FAM13A: variants seen among roughly 807,000 people sequenced by gnomAD.
FAM13A encodes the protein protein FAM13A.
A neutral mutation model predicts 129.6 loss-of-function variants in FAM13A; 76 were observed. The observed-to-expected ratio is 0.59, with a 90% CI of 0.49 to 0.71. FAM13A has a LOEUF of 0.71. FAM13A is among the 30% of genes least tolerant of loss of function. The pLI is 0.00. For missense variants in FAM13A, 1,108 were observed against 1,249.3 expected (o/e 0.89, Z 1.70); for synonymous variants, 443 against 449.9 (o/e 0.98, Z 0.20).
chr4:88,835,417 C>A (rs1407318155), intron 7 of FAM13A, among the ~76,000 whole-genome samples: 1 of 147,450 alleles, frequency 6.8e-6, no homozygotes, highest in African/African-American at 2.4e-5. Context: ...TGGTCCTCAA[C>A]CTTTTTGCCA....
chr4:88,792,664 T>G (rs1446544190), intron 8 of FAM13A, among the ~76,000 whole-genome samples: 1 of 152,040 alleles, frequency 6.6e-6, no homozygotes, highest in Non-Finnish European at 1.5e-5. Context: ...ATATGAGTAA[T>G]GACTCGGGGA....
intron 11 of FAM13A, among the ~76,000 whole-genome samples, chr4:88,771,812 A>T (rs1381764165): frequency 6.6e-6 from 1 of 152,216 alleles, no homozygotes; most frequent in African/African-American, 2.4e-5. Flanking sequence ...TTCAAAACAC[A>T]GATTCACTAC....
At chr4:88,876,655 A>ATGTG (rs1742550832) in intron 6 of FAM13A, among the ~76,000 whole-genome samples, 1 of 151,944 alleles carries the variant, frequency 6.6e-6, no homozygotes, top group Admixed American at 6.6e-5. Flanking sequence ...GCAGTGGCTC[A>ATGTG]ATCTCGGCTC....
At chr4:88,928,710 C>T (rs535102109) in intron 5 of FAM13A, among the ~76,000 whole-genome samples, 1 of 53,888 alleles carries the variant, frequency 1.9e-5, no homozygotes, top group Admixed American at 1.7e-4. Flanking sequence ...AGGTGGGTTT[C>T]TTGTGGGAGC....
At chr4:88,760,603 C>CAAAAAAAAAAAAAAAAAAAAAAAAA (rs745711965) in intron 13 of FAM13A, among the ~76,000 whole-genome samples, 2 of 65,820 alleles carry the variant, frequency 3.0e-5, no homozygotes, top group African/African-American at 2.0e-4. Context: ...GACTCCGTCT[C>CAAAAAAAAAAAAAAAAAAAAAAAAA]AAAAAAAAAA....
chr4:88,981,330 C>T (rs1054337133), intron 4 of FAM13A, among the ~76,000 whole-genome samples: 1 of 152,114 alleles, frequency 6.6e-6, no homozygotes, highest in African/African-American at 2.4e-5. Context: ...AAACAAAAAA[C>T]CCAGAACCAA....
chr4:88,866,516 C>A (rs769021293), intron 6 of FAM13A, among the ~76,000 whole-genome samples: 1 of 152,096 alleles, frequency 6.6e-6, no homozygotes, highest in Admixed American at 6.6e-5. Context: ...AAAGGGCCAA[C>A]CTTGCACATA....
intron 3 of FAM13A, among the ~76,000 whole-genome samples, chr4:88,993,580 C>T (rs1443584579): frequency 6.6e-6 from 1 of 152,288 alleles, no homozygotes; most frequent in South Asian, 2.1e-4. Context: ...GAAAAAGCAG[C>T]AGCATTTTCA....
Position 88,768,026 on chromosome 4 carries a change from C to G in FAM13A, c.1492G>C (p.Glu498Gln). ...MESLNSTRSH[E>Q]RTGPDDFEWM... ...TCAAAATCATCAGGTCCAGTTCTCTCATGAGATCGTGTGGAATTGAGACTT... is the reference window on the plus strand; with the variant it reads ...TCAAAATCATCAGGTCCAGTTCTCTGATGAGATCGTGTGGAATTGAGACTT... Residue 498 changes from glutamate to glutamine, a missense_variant, in exon 12 of 24, where the codon GAG (glutamate) becomes CAG (glutamine). This residue lies in a region of FAM13A where 566 missense variants were observed against 595.7 expected (regional missense o/e 0.95). Coordinates refer to ENST00000264344, the MANE Select transcript of FAM13A (RefSeq NM_014883.4). 1 of 1,609,664 alleles carries G rather than the reference C, an allele frequency of 6.2e-7. No individual in the cohort carries two copies. The highest frequency in any genetic ancestry group is 8.5e-7 in the Non-Finnish European group (1 of 1,176,270).
chr4:89,014,054 T>G (rs751114033), intron 3 of FAM13A, among the ~76,000 whole-genome samples: 18 of 152,130 alleles, frequency 1.2e-4, no homozygotes, highest in Non-Finnish European at 2.6e-4. Flanking sequence ...CCTGAGCTGC[T>G]GGGGTAGGTT....
chr4:88,858,187 A>G (rs182719209), intron 6 of FAM13A, among the ~76,000 whole-genome samples: 1 of 152,300 alleles, frequency 6.6e-6, no homozygotes, highest in Admixed American at 6.5e-5. Context: ...GGCTCAAGGA[A>G]GCCTCACCTT....
At chr4:88,994,588 C>T (rs1431390872) in intron 3 of FAM13A, among the ~76,000 whole-genome samples, 1 of 152,092 alleles carries the variant, frequency 6.6e-6, no homozygotes, top group African/African-American at 2.4e-5. Context: ...GCCTGTAATT[C>T]CAGCACTTTA....
chr4:88,998,306 C>T (rs961633259), intron 3 of FAM13A, among the ~76,000 whole-genome samples: 3 of 152,128 alleles, frequency 2.0e-5, no homozygotes, highest in Non-Finnish European at 4.4e-5. Context: ...GATGACTAGA[C>T]TGAAATAGAG....
At chr4:89,029,418 G>C in intron 2 of FAM13A, 42 bp downstream of exon 2, 1 of 1,465,452 alleles carries the variant, frequency 6.8e-7, no homozygotes, top group Non-Finnish European at 9.4e-7. Flanking sequence ...GTTTATGCAA[G>C]GGACTGTGAA....
At chr4:89,042,012 G>A (rs1770205735) in intron 1 of FAM13A, among the ~76,000 whole-genome samples, 1 of 152,040 alleles carries the variant, frequency 6.6e-6, no homozygotes, top group African/African-American at 2.4e-5. Flanking sequence ...GATTCTGTTT[G>A]CGCTGGTAGG....
chr4:88,962,287 T>C (rs916644066), intron 4 of FAM13A, among the ~76,000 whole-genome samples: 2 of 152,132 alleles, frequency 1.3e-5, no homozygotes, highest in Admixed American at 1.3e-4. Context: ...TACAAATTAC[T>C]TAAATATTTC....
chr4:88,967,779 G>A (rs1454824523), intron 4 of FAM13A, among the ~76,000 whole-genome samples: 1 of 152,170 alleles, frequency 6.6e-6, no homozygotes, highest in Admixed American at 6.5e-5. Context: ...TCCCACTGTG[G>A]GCAGGAGGTT....
At chr4:88,880,551 C>A (rs1743348685) in intron 6 of FAM13A, among the ~76,000 whole-genome samples, 1 of 152,064 alleles carries the variant, frequency 6.6e-6, no homozygotes, top group Non-Finnish European at 1.5e-5. Flanking sequence ...AGCTGAACTT[C>A]ACAACAATTT....
chr4:88,986,498 A>C (rs1377871594), intron 4 of FAM13A, among the ~76,000 whole-genome samples: 1 of 152,254 alleles, frequency 6.6e-6, no homozygotes, highest in Non-Finnish European at 1.5e-5. Context: ...GAAAAGGAAA[A>C]GAAGCTCTGC....
Sources: gnomAD v4.1 joint callset for allele counts (sites outside exome capture counted in the v4.1 genomes callset) on GRCh38, gnomAD v4.1.1 for gene constraint, gnomAD v4.1.1 regional missense constraint, MANE v1.5 for transcripts, NCBI Gene and HGNC (gene_info 2026-07-23, HGNC 2026-07-21) for gene names.